The following CHRNB2 variants were observed in gnomAD, a reference collection of about 807,000 sequenced individuals.
CHRNB2 encodes the protein neuronal acetylcholine receptor subunit beta-2.
CHRNB2 carries 33 observed loss-of-function variants against 42.7 expected under a neutral mutation model. The ratio of observed to expected loss-of-function variants is 0.77; its 90% CI spans 0.59 to 1.03. The LOEUF is 1.03. Ranked by LOEUF, CHRNB2 falls within the 50% of genes least tolerant of loss-of-function variation. The probability of loss-of-function intolerance (pLI) is 0.00; values close to 1 mark genes in which losing one functional copy is unlikely to be tolerated. For missense variants in CHRNB2, 603 were observed against 700.9 expected, an observed-to-expected ratio of 0.86 and a Z score of 1.58; for synonymous variants, 325 against 292.9, an observed-to-expected ratio of 1.11 and a Z score of -1.12.
In CHRNB2 at chr1:154,569,617, G is replaced by T; in HGVS notation, c.210+10G>T. The stretch of plus-strand genomic sequence containing the variant: ...CCAGCTCATCAGTGTGGTGAGTAGA[G>T]GTCCCAGGCTCTCTGCCCAGCTACT... On this transcript the variant is annotated intron_variant, in intron 2 of 5. Coordinates refer to ENST00000368476, the MANE Select transcript of CHRNB2 (RefSeq NM_000748.3). The T allele has an allele frequency of 6.2e-7, 1 of 1,614,070 alleles. No homozygotes were observed. Among genetic ancestry groups the T allele is most frequent in the Non-Finnish European group, 8.5e-7 (1 of 1,180,016 alleles).
At chr1:154,570,555 A>G (rs1696143574) in intron 4 of CHRNB2, among the ~76,000 whole-genome samples, 188 bp downstream of exon 4, 1 of 152,122 alleles carries the variant, frequency 6.6e-6, no homozygotes. Context: ...GACCTGGGCA[A>G]TGACCAGCCC....
chr1:154,572,229 G>C, intron 5 of CHRNB2, 68 bp downstream of exon 5: 1 of 1,531,796 alleles, frequency 6.5e-7, no homozygotes, highest in Admixed American at 2.0e-5. Flanking sequence ...TATCTGGAAA[G>C]CAGCGGCGTT....
In CHRNB2 at chr1:154,569,386, A is replaced by G. The variant is rs2149366080; in HGVS notation, c.65-76A>G. 5.8e-6 allele frequency: 9 copies of G among 1,557,162 alleles called. No homozygotes were observed. In the South Asian group the frequency reaches 1.0e-4, roughly 18 times the overall value. On this transcript the variant is annotated intron_variant, in intron 1 of 5. Coordinates refer to ENST00000368476, the MANE Select transcript of CHRNB2 (RefSeq NM_000748.3). ...ATACTGGTTGGGCCTGGATTGTCCC[A>G]TTTGCCTGGGGAGGGTGGGATGCTG...
chr1:154,575,869 C>G lies in CHRNB2; in HGVS notation c.1446C>G (p.Leu482=). ...CCATCGGCATGTTCCTGCAGCCTCT[C>G]TTCCAGAACTACACCACCACCACCT... The part of the protein sequence containing the change: ...FGTIGMFLQP[L]FQNYTTTTFL... Residue 482 remains leucine (L), a synonymous_variant, in exon 6 of 6, where the codon CTC becomes CTG. Transcript: ENST00000368476. 6.2e-7 allele frequency: 1 copy of G among 1,614,190 alleles called. No individual in the cohort carries two copies. The highest frequency in any genetic ancestry group is 8.5e-7 in the Non-Finnish European group (1 of 1,180,036).
In CHRNB2 at chr1:154,567,961, C is replaced by T; in HGVS notation, c.-84C>T. 7.5e-7 allele frequency: 1 copy of T among 1,326,930 alleles called. No individual in the cohort carries two copies. Among genetic ancestry groups the T allele is most frequent in the East Asian group, 3.0e-5 (1 of 33,660 alleles). 82.2% of individuals were successfully genotyped at this position (1,326,930 alleles called of 1,614,324 possible). ...GCTCCAGGCGGGCGCGGCTTCAGCA[C>T]CACGGACAGCGCCCCACCCGCGGCC... On this transcript the variant is annotated 5_prime_UTR_variant, in exon 1 of 6. Coordinates refer to ENST00000368476, the MANE Select transcript of CHRNB2 (RefSeq NM_000748.3).
At chr1:154,574,760 C>T (rs1355267961) in intron 5 of CHRNB2, among the ~76,000 whole-genome samples, 1 of 152,216 alleles carries the variant, frequency 6.6e-6, no homozygotes, top group Non-Finnish European at 1.5e-5. Flanking sequence ...TTCTGTTGCT[C>T]ATTTGCATCC....
rs779081556 is a variant in CHRNB2 at position 154,571,543 on chromosome 1, C to A, written c.720C>A (p.Asn240Lys). Residue 240 changes from asparagine (N) to lysine (K), a missense_variant, in exon 5 of 6, where the codon AAC becomes AAA. By Grantham distance (94) the Asn-to-Lys change is moderately conservative (BLOSUM62 0). Around this residue, in one of 2 missense-constraint regions of CHRNB2, gnomAD observed 333 missense variants for 452.6 expected, o/e 0.74. Transcript: ENST00000368476. The surrounding 1 kb of genome is among the most constrained non-coding windows in gnomAD (Gnocchi z 6.8). ...GCAAGCCGCTCTTCTACACCATCAA[C>A]CTCATCATCCCCTGTGTGCTCATCA... ...IRRKPLFYTI[N>K]LIIPCVLITS... 1 of 1,614,190 alleles carries A rather than the reference C, an allele frequency of 6.2e-7. No homozygotes were observed. Among genetic ancestry groups the A allele is most frequent in the East Asian group, 2.2e-5 (1 of 44,884 alleles).
In CHRNB2 at chr1:154,569,803, G is replaced by C. The variant is rs368583539; in HGVS notation, c.222G>C (p.Glu74Asp). Residue 74 changes from glutamate to aspartate, a missense_variant, in exon 3 of 6, where the codon GAG (glutamate) becomes GAC (aspartate). Physicochemically the swap from Glu to Asp is conservative, Grantham distance 45. Around this residue, in one of 2 missense-constraint regions of CHRNB2, gnomAD observed 333 missense variants for 452.6 expected, o/e 0.74. Coordinates refer to ENST00000368476, the MANE Select transcript of CHRNB2 (RefSeq NM_000748.3). ...LAQLISVHER[E>D]QIMTTNVWLT... Reference sequence around the variant, plus strand: ...CTTCCTCCCTGCAGCATGAGCGGGAGCAGATCATGACCACCAATGTCTGGC... The same window carrying C: ...CTTCCTCCCTGCAGCATGAGCGGGACCAGATCATGACCACCAATGTCTGGC... 1 of 1,614,076 alleles carries C rather than the reference G, an allele frequency of 6.2e-7. No individual in the cohort carries two copies. The highest frequency in any genetic ancestry group is 8.5e-7 in the Non-Finnish European group (1 of 1,180,044).
intron 1 of CHRNB2, among the ~76,000 whole-genome samples, chr1:154,568,353 G>T (rs1696099719): frequency 6.6e-6 from 1 of 152,228 alleles, no homozygotes; most frequent in Non-Finnish European, 1.5e-5. Flanking sequence ...CCTGGCCAGC[G>T]GTGGTAGGGG....
chr1:154,572,176 C>G lies in CHRNB2; in HGVS notation c.1338+15C>G. 1 of 1,536,034 alleles carries G rather than the reference C, an allele frequency of 6.5e-7. No homozygotes were observed. Among genetic ancestry groups the G allele is most frequent in the Non-Finnish European group, 8.7e-7 (1 of 1,146,458 alleles). The stretch of plus-strand genomic sequence containing the variant: ...ATGACCAGAGCGTGAGTGCCGCAGG[C>G]TGGGACCCCGGGCGTGAGATATGGG... On this transcript the variant is annotated intron_variant, in intron 5 of 5. Coordinates refer to ENST00000368476, the MANE Select transcript of CHRNB2 (RefSeq NM_000748.3).
At position 154,569,553 on chromosome 1, in the gene CHRNB2, C is replaced by G; in HGVS notation, c.156C>G (p.Gly52=). ...AGCTTATCCGCCCAGCCACCAATGG[C>G]TCTGAGCTGGTGACAGTACAGCTTA... ...YNKLIRPATN[G]SELVTVQLMV... is the part of the protein sequence containing the mutation. Residue 52 remains glycine (G), a synonymous_variant, in exon 2 of 6, where the codon GGC becomes GGG. Coordinates refer to ENST00000368476, the MANE Select transcript of CHRNB2 (RefSeq NM_000748.3). 1 of 1,614,158 alleles carries G rather than the reference C, an allele frequency of 6.2e-7. No homozygotes were observed. Among genetic ancestry groups the G allele is most frequent in the Non-Finnish European group, 8.5e-7 (1 of 1,180,022 alleles).
chr1:154,576,441 C>G lies in CHRNB2; in HGVS notation c.*509C>G. ...CTGCCGCTGCTTGAGTGGACAGCAG[C>G]TGGACTGGGTGGGCCCCACAGTGGT... On this transcript the variant is annotated 3_prime_UTR_variant, in exon 6 of 6. Coordinates refer to ENST00000368476, the MANE Select transcript of CHRNB2 (RefSeq NM_000748.3). 4.1e-6 allele frequency: 1 copy of G among 246,052 alleles called. No homozygotes were observed. The allele number at this position is 246,052 out of a possible 1,614,324, so 15.2% of individuals were successfully genotyped here.
In CHRNB2 at chr1:154,567,992, C is replaced by A. The variant is rs2280781; in HGVS notation, c.-53C>A. 131 of 1,477,652 alleles carry A rather than the reference C, an allele frequency of 8.9e-5. No homozygotes were observed. The highest frequency in any genetic ancestry group is 6.1e-4 in the Admixed American group (26 of 42,434). The allele number at this position is 1,477,652 out of a possible 1,614,324, so 91.5% of individuals were successfully genotyped here. On this transcript the variant is annotated 5_prime_UTR_variant, in exon 1 of 6. Transcript: ENST00000368476. ...ACAGCGCCCCACCCGCGGCCCTCCCCCCGGCGGCGCGCTCCAGCCGGTGTA... is the reference window on the plus strand; with the variant it reads ...ACAGCGCCCCACCCGCGGCCCTCCCACCGGCGGCGCGCTCCAGCCGGTGTA...
At chr1:154,570,866 C>A (rs1430199749) in intron 4 of CHRNB2, among the ~76,000 whole-genome samples, 2 of 152,160 alleles carry the variant, frequency 1.3e-5, no homozygotes, top group East Asian at 3.8e-4. Context: ...TCTCCACCCT[C>A]ATGAGGATCA....
chr1:154,570,158 A>C, intron 3 of CHRNB2, 100 bp from the exon 4 acceptor site: 1 of 810,972 alleles, frequency 1.2e-6, no homozygotes, highest in Non-Finnish European at 2.1e-6. Context: ...TGGCTTTTAA[A>C]AGGTCCCTCA....
chr1:154,574,284 G>A (rs960061357), intron 5 of CHRNB2, among the ~76,000 whole-genome samples: 1 of 152,144 alleles, frequency 6.6e-6, no homozygotes, highest in Admixed American at 6.5e-5. Flanking sequence ...TTCAGTGATC[G>A]ACTGCTGGAA....
chr1:154,574,758 C>G (rs190062746), intron 5 of CHRNB2, among the ~76,000 whole-genome samples: 1 of 152,336 alleles, frequency 6.6e-6, no homozygotes, highest in Admixed American at 6.5e-5. Context: ...GTTTCTGTTG[C>G]TCATTTGCAT....
In CHRNB2 at chr1:154,571,307, T is replaced by C; in HGVS notation, c.484T>C (p.Phe162Leu). Residue 162 changes from phenylalanine (F) to leucine (L), a missense_variant, in exon 5 of 6, where the codon TTC becomes CTC. Phe to Leu is a conservative substitution (Grantham distance 22). Around this residue, in one of 2 missense-constraint regions of CHRNB2, gnomAD observed 333 missense variants for 452.6 expected, o/e 0.74. Coordinates refer to ENST00000368476, the MANE Select transcript of CHRNB2 (RefSeq NM_000748.3). The surrounding 1 kb of genome is among the most constrained non-coding windows in gnomAD (Gnocchi z 6.8). Reference sequence around the variant, plus strand: ...CGCATGCAAGATTGAAGTAAAGCACTTCCCATTTGACCAGCAGAACTGCAC... The same window carrying C: ...CGCATGCAAGATTGAAGTAAAGCACCTCCCATTTGACCAGCAGAACTGCAC... ...KSACKIEVKHFPFDQQNCTMK... is the reference protein window; with the variant it reads ...KSACKIEVKHLPFDQQNCTMK... 1 of 1,614,168 alleles carries C rather than the reference T, an allele frequency of 6.2e-7. No individual in the cohort carries two copies. Among genetic ancestry groups the C allele is most frequent in the Non-Finnish European group, 8.5e-7 (1 of 1,180,030 alleles).
At chr1:154,572,277 A>G in intron 5 of CHRNB2, 116 bp downstream of exon 5, 4 of 1,504,294 alleles carry the variant, frequency 2.7e-6, no homozygotes, top group Non-Finnish European at 2.7e-6. Flanking sequence ...GTAGGGGAGG[A>G]AAATGTGAGT....
Sources: allele counts gnomAD v4.1 joint callset (sites outside exome capture counted in the v4.1 genomes callset), GRCh38; gene constraint gnomAD v4.1.1; regional missense constraint gnomAD v4.1.1; non-coding constraint Gnocchi (gnomAD v3.1); transcripts MANE v1.5; gene names NCBI Gene and HGNC (gene_info 2026-07-23, HGNC 2026-07-21).